The following IPO13 variants were observed in gnomAD, a reference collection of about 807,000 sequenced individuals.
IPO13 encodes importin 13.
IPO13 carries 28 observed loss-of-function variants against 115.5 expected under a neutral mutation model. The observed-to-expected ratio is 0.24, with a 90% CI of 0.18 to 0.33. IPO13 has a LOEUF of 0.33. IPO13 is among the 10% of genes least tolerant of loss of function. The probability of loss-of-function intolerance (pLI) is 1.00; values close to 1 mark genes in which losing one functional copy is unlikely to be tolerated. For missense variants in IPO13, 785 were observed against 1,204.6 expected, an observed-to-expected ratio of 0.65 and a Z score of 5.16; for synonymous variants, 414 against 478.9, an observed-to-expected ratio of 0.86 and a Z score of 1.77.
chr1:43,961,293 T>TGCC, intron 14 of IPO13, 31 bp downstream of exon 14: 2 of 1,509,994 alleles, frequency 1.3e-6, no homozygotes, highest in African/African-American at 1.4e-5. Flanking sequence ...CTGCTGCTGC[T>TGCC]GCCACTGCCA....
intron 1 of IPO13, 38 bp from the exon 2 acceptor site, chr1:43,949,379 A>G (rs2085189586): frequency 6.5e-7 from 1 of 1,542,276 alleles, no homozygotes; most frequent in Non-Finnish European, 8.7e-7. Context: ...CAGGATCCAG[A>G]GTGGCCAGCA....
intron 2 of IPO13, among the ~76,000 whole-genome samples, chr1:43,954,991 C>T (rs1483461984): frequency 2.0e-5 from 3 of 152,158 alleles, no homozygotes; most frequent in Non-Finnish European, 2.9e-5. Flanking sequence ...TACTGTTCCC[C>T]GCTACTCACC....
chr1:43,956,232 G>C lies in IPO13; in HGVS notation c.822-88G>C. On this transcript the variant is annotated intron_variant, in intron 2 of 19. Transcript: ENST00000372343. This position sits in a 1 kb window ranked among gnomAD's most constrained non-coding sequence, Gnocchi z 4.7. Reference sequence around the variant, plus strand: ...TTGATAAGGGAAGGGGAGCTTTGATGGAAGACAAGGAGATTATGCCTTTCT... The same window carrying C: ...TTGATAAGGGAAGGGGAGCTTTGATCGAAGACAAGGAGATTATGCCTTTCT... 2 of 1,454,884 alleles carry C rather than the reference G, an allele frequency of 1.4e-6. No individual in the cohort carries two copies. The highest frequency in any genetic ancestry group is 1.9e-6 in the Non-Finnish European group (2 of 1,059,608). 90.1% of individuals were successfully genotyped at this position (1,454,884 alleles called of 1,614,324 possible).
chr1:43,966,470 C>A lies in IPO13; in HGVS notation c.2398-105C>A. The A allele has an allele frequency of 8.3e-7, 1 of 1,206,526 alleles. No individual in the cohort carries two copies. Among genetic ancestry groups the A allele is most frequent in the Middle Eastern group, 2.0e-4 (1 of 5,074 alleles). 74.7% of individuals were successfully genotyped at this position (1,206,526 alleles called of 1,614,324 possible). On this transcript the variant is annotated intron_variant, in intron 15 of 19. Coordinates refer to ENST00000372343, the MANE Select transcript of IPO13 (RefSeq NM_014652.4). This position sits in a 1 kb window ranked among gnomAD's most constrained non-coding sequence, Gnocchi z 4.1. Reference sequence around the variant, plus strand: ...ATGGCTGGGTAGCTGGTTTTGGCAGCCTCTACCTGTGAGGTGTGAAGTTGG... The same window carrying A: ...ATGGCTGGGTAGCTGGTTTTGGCAGACTCTACCTGTGAGGTGTGAAGTTGG...
At position 43,949,707 on chromosome 1, in the gene IPO13, G is replaced by A. The variant is rs762874919; in HGVS notation, c.375G>A (p.Val125=). The part of the protein sequence containing the change: ...GSKIVLTRLC[V]ALASLALSMM... ...AGATTGTACTGACTCGGCTGTGCGT[G>A]GCACTGGCCTCACTGGCTCTCAGCA... The change falls in exon 2 of 20, where the codon GTG becomes GTA. Residue 125 remains valine, a synonymous_variant. Transcript: ENST00000372343. 6.2e-7 allele frequency: 1 copy of A among 1,614,200 alleles called. No homozygotes were observed. Among genetic ancestry groups the A allele is most frequent in the South Asian group, 1.1e-5 (1 of 91,084 alleles).
chr1:43,965,205 A>C (rs1303985736), intron 15 of IPO13, among the ~76,000 whole-genome samples: 1 of 151,760 alleles, frequency 6.6e-6, no homozygotes, highest in Non-Finnish European at 1.5e-5. Flanking sequence ...TGGGGGTATG[A>C]AGTTAGTGTG....
intron 15 of IPO13, among the ~76,000 whole-genome samples, chr1:43,965,108 G>A (rs1172732706): frequency 6.6e-6 from 1 of 151,904 alleles, no homozygotes; most frequent in Non-Finnish European, 1.5e-5. Flanking sequence ...TTGGGTTGTC[G>A]GAGTGTATAT....
At position 43,956,333 on chromosome 1, in the gene IPO13, C is replaced by T. The variant is rs1216469142; in HGVS notation, c.835C>T (p.Leu279Phe). The T allele has an allele frequency of 6.2e-7, 1 of 1,614,226 alleles. No individual in the cohort carries two copies. Among genetic ancestry groups the T allele is most frequent in the Non-Finnish European group, 8.5e-7 (1 of 1,180,042 alleles). Reference sequence around the variant, plus strand: ...TCATGCCTCTAGGTACGTGAACACACTCCTGAAACTCATCCCGCTGGTGCT... The same window carrying T: ...TCATGCCTCTAGGTACGTGAACACATTCCTGAAACTCATCCCGCTGGTGCT... Reference protein sequence around the residue: ...QPDAQRYVNTLLKLIPLVLGL... With the variant: ...QPDAQRYVNTFLKLIPLVLGL... The change falls in exon 3 of 20, where the codon CTC becomes TTC. Residue 279 changes from leucine (L) to phenylalanine (F), a missense_variant. Coordinates refer to ENST00000372343, the MANE Select transcript of IPO13 (RefSeq NM_014652.4). This position sits in a 1 kb window ranked among gnomAD's most constrained non-coding sequence, Gnocchi z 4.7.
intron 14 of IPO13, among the ~76,000 whole-genome samples, chr1:43,962,960 C>T (rs12145999): frequency 0.59 from 89,908 of 152,160 alleles, 31,771 homozygotes; most frequent in Non-Finnish European, 0.79. Flanking sequence ...GGGAGGGCTC[C>T]CTGCCCTTGG....
Position 43,966,520 on chromosome 1 carries a change from G to A in IPO13, c.2398-55G>A, listed in dbSNP as rs2085325910. ...GGGGCTGGGGTGGCAGGTGAGTGGG[G>A]GGGATGGTCCTTGGAGCTGGCTGGG... On this transcript the variant is annotated intron_variant, in intron 15 of 19. Transcript: ENST00000372343. This position sits in a 1 kb window ranked among gnomAD's most constrained non-coding sequence, Gnocchi z 4.1. The A allele has an allele frequency of 3.2e-6, 5 of 1,574,560 alleles. No homozygotes were observed. The highest frequency in any genetic ancestry group is 4.4e-6 in the Non-Finnish European group (5 of 1,144,656).
intron 6 of IPO13, 22 bp from the exon 7 acceptor site, chr1:43,957,380 C>T: frequency 1.2e-6 from 2 of 1,614,000 alleles, no homozygotes; most frequent in Middle Eastern, 1.7e-4. Flanking sequence ...TCATCCAAGC[C>T]AGTGGCACCC....
At chr1:43,965,529 G>A (rs189695334) in intron 15 of IPO13, among the ~76,000 whole-genome samples, 1 of 152,172 alleles carries the variant, frequency 6.6e-6, no homozygotes, top group East Asian at 1.9e-4. Flanking sequence ...GAGGGTGTCT[G>A]AATGTGTATT....
chr1:43,967,425 G>C lies in IPO13; in HGVS notation c.2724G>C (p.Leu908=). The change falls in exon 19 of 20, where the codon CTG becomes CTC. Residue 908 remains leucine, a synonymous_variant. Coordinates refer to ENST00000372343, the MANE Select transcript of IPO13 (RefSeq NM_014652.4). The surrounding 1 kb of genome is among the most constrained non-coding windows in gnomAD (Gnocchi z 6.1). ...SLLSMWIKEA[L]QPPGFPSARL... The stretch of plus-strand genomic sequence containing the variant: ...TGAGCATGTGGATCAAGGAGGCCCT[G>C]CAGCCACCTGGTTTCCCCTCTGCCC... 1 of 1,614,132 alleles carries C rather than the reference G, an allele frequency of 6.2e-7. No homozygotes were observed. Among genetic ancestry groups the C allele is most frequent in the Non-Finnish European group, 8.5e-7 (1 of 1,180,014 alleles).
Position 43,958,924 on chromosome 1 carries a change from C to T in IPO13, c.2028+35C>T, listed in dbSNP as rs761393287. 3.7e-6 allele frequency: 6 copies of T among 1,601,076 alleles called. No individual in the cohort carries two copies. The East Asian group carries it at 1.1e-4, about 30-fold the overall frequency. ...ATTTGCCCACGGCAAAGACATTTGT[C>T]TTTGCCATCCCCCCAACCCCCACCT... On this transcript the variant is annotated intron_variant, in intron 11 of 19. Transcript: ENST00000372343. The surrounding 1 kb of genome is among the most constrained non-coding windows in gnomAD (Gnocchi z 6.3).
chr1:43,962,118 C>T (rs2085294444), intron 14 of IPO13, among the ~76,000 whole-genome samples: 1 of 152,168 alleles, frequency 6.6e-6, no homozygotes, highest in South Asian at 2.1e-4. Context: ...ATCCTCAGTG[C>T]CTGGTCTCAT....
rs886505227 is a variant in IPO13, at chr1:43,956,467, G to A, written c.962+7G>A. The A allele has an allele frequency of 8.1e-6, 13 of 1,614,094 alleles. No individual in the cohort carries two copies. The highest frequency in any genetic ancestry group is 1.1e-5 in the Non-Finnish European group (13 of 1,180,054). ...TGGGCGAGAACCACTCCCGGTAAAGGGTGGAGCAGCTTGGGGTGGGATAGT... is the reference window on the plus strand; with the variant it reads ...TGGGCGAGAACCACTCCCGGTAAAGAGTGGAGCAGCTTGGGGTGGGATAGT... On this transcript the variant is annotated splice_region_variant and intron_variant, in intron 3 of 19. Coordinates refer to ENST00000372343, the MANE Select transcript of IPO13 (RefSeq NM_014652.4). This position sits in a 1 kb window ranked among gnomAD's most constrained non-coding sequence, Gnocchi z 4.7.
chr1:43,953,835 T>A (rs532899286), intron 2 of IPO13, among the ~76,000 whole-genome samples: 70 of 152,292 alleles, frequency 4.6e-4, no homozygotes, highest in African/African-American at 1.6e-3. Context: ...ACTGGAGATA[T>A]GGGCTGAGAC....
At position 43,960,434 on chromosome 1, in the gene IPO13, AG is replaced by A. The variant is rs895221512; in HGVS notation, c.2109+108del. On this transcript the variant is annotated intron_variant, in intron 12 of 19. Coordinates refer to ENST00000372343, the MANE Select transcript of IPO13 (RefSeq NM_014652.4). ...AGCTTACAATGGTTTGGAGAAAACA[AG>A]GGAGGTGAATCCTGCCCCATAGAGA... 3.2e-5 allele frequency: 34 copies of A among 1,049,480 alleles called. 1 individual carries two copies. The Admixed American group carries it at 5.8e-4, about 18-fold the overall frequency. The allele number at this position is 1,049,480 out of a possible 1,614,324, so 65.0% of individuals were successfully genotyped here. A position where few individuals can be genotyped will look rare whatever the true frequency, so the allele number is the denominator to read the frequency against.
chr1:43,960,403 C>A, intron 12 of IPO13, 74 bp downstream of exon 12: 2 of 1,295,942 alleles, frequency 1.5e-6, no homozygotes, highest in Non-Finnish European at 2.2e-6. Context: ...GTTACTGCCA[C>A]ACTTCAGCTT....
Sources: gnomAD v4.1 joint callset for allele counts (sites outside exome capture counted in the v4.1 genomes callset) on GRCh38, gnomAD v4.1.1 for gene constraint, Gnocchi (gnomAD v3.1) non-coding constraint, MANE v1.5 for transcripts, NCBI Gene and HGNC (gene_info 2026-07-23, HGNC 2026-07-21) for gene names.